Variants in GRM8 observed in about 807,000 individuals in gnomAD.
GRM8 encodes metabotropic glutamate receptor 8.
GRM8 carries 47 observed loss-of-function variants against 87.2 expected under a neutral mutation model. The ratio of observed to expected loss-of-function variants is 0.54; its 90% confidence interval spans 0.43 to 0.69. The LOEUF (loss-of-function observed/expected upper bound fraction) is 0.69, where lower values mean the gene tolerates loss of function less well. GRM8 is among the 30% of genes least tolerant of loss of function. The pLI, the probability that GRM8 is intolerant of heterozygous loss-of-function variation, is 0.00. For synonymous variants in GRM8, 396 were observed against 404.5 expected (o/e 0.98, Z 0.25); for missense variants, 1,019 against 1,139.2 (o/e 0.89, Z 1.52).
In GRM8 at chr7:126,707,804, A is replaced by T. The variant is rs148863914; in HGVS notation, c.1357+62061T>A. 2.8e-3 allele frequency among the ~76,000 whole-genome samples: 429 copies of T among 152,294 alleles called. 7 individuals carry two copies. Among genetic ancestry groups the T allele is most frequent in the African/African-American group, 9.8e-3 (408 of 41,574 alleles). ...AAACCATTAAAAGCCTAGGAAAAAA[A>T]CATGGAGAAAATCTCCTTGACATTG... On this transcript the variant is annotated intron_variant, in intron 7 of 10. Coordinates refer to ENST00000339582, the MANE Select transcript of GRM8 (RefSeq NM_000845.3).
intron 7 of GRM8, among the ~76,000 whole-genome samples, chr7:126,674,163 A>G (rs188817181): frequency 9.2e-5 from 14 of 152,304 alleles, no homozygotes; most frequent in Non-Finnish European, 1.2e-4. Context: ...CACAAAATCC[A>G]TACTCCAGCT....
At chr7:127,197,713 AAGTAAC>A (rs1286502601) in intron 2 of GRM8, among the ~76,000 whole-genome samples, 2 of 152,208 alleles carry the variant, frequency 1.3e-5, no homozygotes, top group Non-Finnish European at 2.9e-5. Flanking sequence ...TGTGAGAACA[AAGTAAC>A]AAACACTGAA....
At chr7:127,029,936 CAACA>C (rs1020345619) in intron 3 of GRM8, among the ~76,000 whole-genome samples, 3 of 152,046 alleles carry the variant, frequency 2.0e-5, no homozygotes, top group African/African-American at 7.2e-5. Flanking sequence ...CCTCACCATA[CAACA>C]AACACACAAC....
intron 3 of GRM8, among the ~76,000 whole-genome samples, chr7:126,957,239 A>G (rs1432695046): frequency 1.3e-5 from 2 of 152,236 alleles, no homozygotes; most frequent in Non-Finnish European, 2.9e-5. Context: ...AAAAAAGTCA[A>G]AAACCTTTAA....
chr7:126,855,172 CTG>C (rs1432785070), intron 6 of GRM8, among the ~76,000 whole-genome samples: 1 of 152,048 alleles, frequency 6.6e-6, no homozygotes, highest in African/African-American at 2.4e-5. Context: ...TCATAGGAAA[CTG>C]GAGAGTATTT....
intron 9 of GRM8, among the ~76,000 whole-genome samples, chr7:126,480,218 C>T (rs752318010): frequency 4.6e-5 from 7 of 151,976 alleles, no homozygotes; most frequent in Non-Finnish European, 8.8e-5. Flanking sequence ...AACTCTCTCT[C>T]TACTAAAAAT....
Position 126,668,720 on chromosome 7 carries a change from T to G in GRM8, c.1358-59222A>C, listed in dbSNP as rs1037383506. On this transcript the variant is annotated intron_variant, in intron 7 of 10. Transcript: ENST00000339582. ...ATAAGAGGTTCTTCCCCAGGCATTT[T>G]TAAACTGTTCTTTTTTCTTTCCCCT... Among the ~76,000 whole-genome samples the G allele has an allele frequency of 9.8e-5, 15 of 152,360 alleles. No individual in the cohort carries two copies. In the East Asian group the frequency reaches 2.7e-3, roughly 27 times the overall value.
intron 2 of GRM8, among the ~76,000 whole-genome samples, chr7:127,209,154 T>C (rs1796075145): frequency 6.6e-6 from 1 of 152,190 alleles, no homozygotes; most frequent in African/African-American, 2.4e-5. Context: ...CTCAACAAGA[T>C]TTAGCACCTA....
At chr7:126,460,274 A>T (rs576897507) in intron 9 of GRM8, among the ~76,000 whole-genome samples, 1 of 151,592 alleles carries the variant, frequency 6.6e-6, no homozygotes, top group East Asian at 1.9e-4. Flanking sequence ...AAGTCACTAT[A>T]CCTAGCCAAG....
chr7:127,130,763 G>T (rs1331052894), intron 2 of GRM8, among the ~76,000 whole-genome samples: 2 of 152,138 alleles, frequency 1.3e-5, no homozygotes, highest in African/African-American at 4.8e-5. Flanking sequence ...GGTGGAAGGT[G>T]ATGGGATCAT....
chr7:127,041,527 T>A (rs1586831039), intron 3 of GRM8, among the ~76,000 whole-genome samples: 1 of 152,230 alleles, frequency 6.6e-6, no homozygotes, highest in African/African-American at 2.4e-5. Flanking sequence ...ATGTATTCTC[T>A]ACCATTTAAG....
At chr7:126,689,616 G>C (rs543184635) in intron 7 of GRM8, among the ~76,000 whole-genome samples, 1 of 152,168 alleles carries the variant, frequency 6.6e-6, no homozygotes, top group Non-Finnish European at 1.5e-5. Flanking sequence ...GGGATCTAGG[G>C]GGTGGCTGGA....
At chr7:127,059,027 A>T (rs1472393101) in intron 3 of GRM8, among the ~76,000 whole-genome samples, 1 of 152,196 alleles carries the variant, frequency 6.6e-6, no homozygotes, top group Non-Finnish European at 1.5e-5. Flanking sequence ...ACAGAGCAAT[A>T]AGGGAGACAA....
At chr7:126,532,784 T>G (rs1229780766) in intron 9 of GRM8, among the ~76,000 whole-genome samples, 168 bp downstream of exon 9, 1 of 13,090 alleles carries the variant, frequency 7.6e-5, no homozygotes, top group African/African-American at 3.1e-4. Flanking sequence ...TATATATATA[T>G]ATATATATAT....
At chr7:126,816,505 C>G (rs1439685107) in intron 6 of GRM8, among the ~76,000 whole-genome samples, 1 of 152,082 alleles carries the variant, frequency 6.6e-6, no homozygotes. Flanking sequence ...ATCACCAGTT[C>G]TGATATTCAA....
intron 6 of GRM8, among the ~76,000 whole-genome samples, chr7:126,811,795 A>G (rs1224114031): frequency 1.3e-5 from 2 of 152,044 alleles, no homozygotes; most frequent in African/African-American, 2.4e-5. Flanking sequence ...GTAAGATTAT[A>G]TCATCAGTGA....
At chr7:127,164,930 A>G (rs1198735102) in intron 2 of GRM8, among the ~76,000 whole-genome samples, 2 of 151,860 alleles carry the variant, frequency 1.3e-5, no homozygotes, top group African/African-American at 2.4e-5. Context: ...CTTATTTATT[A>G]GAATTTATAT....
chr7:126,800,115 G>GT lies in GRM8; in HGVS notation c.1157-30051dup, dbSNP rs539773887. Among the ~76,000 whole-genome samples, 408 of 152,046 alleles carry GT rather than the reference G, an allele frequency of 2.7e-3. 3 individuals are homozygous for GT. The highest frequency in any genetic ancestry group is 9.2e-3 in the African/African-American group (382 of 41,508). ...CTCCAACACAAGCTCTAACTTTCAA[G>GT]TTTTTTTTAAAATGACAATGATATT... On this transcript the variant is annotated intron_variant, in intron 6 of 10. Transcript: ENST00000339582.
At chr7:126,799,162 A>T (rs1452874612) in intron 6 of GRM8, among the ~76,000 whole-genome samples, 1 of 152,090 alleles carries the variant, frequency 6.6e-6, no homozygotes, top group East Asian at 1.9e-4. Context: ...ATCTGGGAAA[A>T]GATAGAAATG....
Sources: allele counts gnomAD v4.1 joint callset (sites outside exome capture counted in the v4.1 genomes callset), GRCh38; gene constraint gnomAD v4.1.1; transcripts MANE v1.5; gene names NCBI Gene and HGNC (gene_info 2026-07-23, HGNC 2026-07-21).